SGMS1: variants seen among roughly 807,000 people sequenced by gnomAD.
SGMS1 encodes phosphatidylcholine:ceramide cholinephosphotransferase 1.
A neutral mutation model predicts 46.2 loss-of-function variants in SGMS1; 13 were observed. The ratio of observed to expected loss-of-function variants is 0.28; its 90% confidence interval spans 0.18 to 0.45. The LOEUF (loss-of-function observed/expected upper bound fraction) is 0.45. Ranked by LOEUF, SGMS1 falls within the 20% of genes least tolerant of loss-of-function variation. SGMS1 has a pLI of 1.00. For missense variants in SGMS1, 324 were observed against 519.9 expected (o/e 0.62, Z 3.66); for synonymous variants, 203 against 187.8 (o/e 1.08, Z -0.66).
At chr10:50,358,663 T>G (rs1848196565) in intron 6 of SGMS1, among the ~76,000 whole-genome samples, 1 of 152,178 alleles carries the variant, frequency 6.6e-6, no homozygotes, top group African/African-American at 2.4e-5. Context: ...CACTCCAGCC[T>G]CCAGCCTGAG....
At chr10:50,313,110 T>C (rs1488788366) in intron 8 of SGMS1, among the ~76,000 whole-genome samples, 1 of 152,198 alleles carries the variant, frequency 6.6e-6, no homozygotes, top group Non-Finnish European at 1.5e-5. Context: ...TGGCCATGAA[T>C]AGCATTTACA....
chr10:50,424,830 T>C (rs12413917), intron 6 of SGMS1, among the ~76,000 whole-genome samples: 1,651 of 150,620 alleles, frequency 0.011, 73 homozygotes, highest in Admixed American at 0.088. Context: ...GAGAATCACT[T>C]GAACCCAGGA....
At chr10:50,564,536 G>A (rs919269824) in intron 2 of SGMS1, among the ~76,000 whole-genome samples, 2 of 152,120 alleles carry the variant, frequency 1.3e-5, no homozygotes, top group Non-Finnish European at 2.9e-5. Context: ...GTTCCCACAG[G>A]TGGGCATACA....
chr10:50,595,951 A>G (rs1429249471), intron 1 of SGMS1, among the ~76,000 whole-genome samples: 1 of 152,134 alleles, frequency 6.6e-6, no homozygotes, highest in Non-Finnish European at 1.5e-5. Context: ...GATATCTTTT[A>G]TTTCAAAGGG....
chr10:50,381,987 A>G (rs1402536217), intron 6 of SGMS1, among the ~76,000 whole-genome samples: 1 of 152,208 alleles, frequency 6.6e-6, no homozygotes, highest in Admixed American at 6.5e-5. Flanking sequence ...TGTAAAATGC[A>G]GGGTGGAAGG....
Position 50,318,773 on chromosome 10 carries a change from C to T in SGMS1, c.742-7358G>A, listed in dbSNP as rs575798366. Among the ~76,000 whole-genome samples the T allele has an allele frequency of 5.9e-5, 9 of 152,286 alleles. No homozygotes were observed. In the East Asian group the frequency reaches 1.7e-3, roughly 29 times the overall value. On this transcript the variant is annotated intron_variant, in intron 8 of 10. Coordinates refer to ENST00000361781, the MANE Select transcript of SGMS1 (RefSeq NM_147156.4). The stretch of plus-strand genomic sequence containing the variant: ...AACTTTTAAAATAGACTTTTCCCTT[C>T]ACTCGGCTGTGAAGAATCTGGCTGT...
chr10:50,580,262 T>C (rs943350533), intron 2 of SGMS1, among the ~76,000 whole-genome samples: 2 of 152,140 alleles, frequency 1.3e-5, no homozygotes, highest in African/African-American at 4.8e-5. Context: ...TATGGAATCC[T>C]TTAAAAAATC....
At chr10:50,597,007 A>C (rs1429007811) in intron 1 of SGMS1, among the ~76,000 whole-genome samples, 4 of 152,200 alleles carry the variant, frequency 2.6e-5, no homozygotes, top group Non-Finnish European at 5.9e-5. Flanking sequence ...AAAAAGCACT[A>C]CTAATTCCAC....
intron 6 of SGMS1, among the ~76,000 whole-genome samples, chr10:50,368,849 G>A (rs974554195): frequency 1.3e-5 from 2 of 152,086 alleles, no homozygotes; most frequent in Non-Finnish European, 2.9e-5. Flanking sequence ...GAACAAACAC[G>A]GCCAAGGCTA....
chr10:50,506,044 T>C (rs149540144), intron 3 of SGMS1, among the ~76,000 whole-genome samples: 170 of 152,292 alleles, frequency 1.1e-3, no homozygotes, highest in Middle Eastern at 3.4e-3. Context: ...TCCTTCTTCC[T>C]GGAGAATTGC....
At chr10:50,322,339 T>C (rs1403969970) in intron 8 of SGMS1, among the ~76,000 whole-genome samples, 1 of 152,228 alleles carries the variant, frequency 6.6e-6, no homozygotes, top group Non-Finnish European at 1.5e-5. Context: ...CATCTGATTA[T>C]GAAAATGAGA....
At chr10:50,592,540 T>C (rs1838551776) in intron 1 of SGMS1, among the ~76,000 whole-genome samples, 1 of 152,130 alleles carries the variant, frequency 6.6e-6, no homozygotes, top group Non-Finnish European at 1.5e-5. Context: ...ATCAAGAGTC[T>C]CAGATTGTTG....
intron 1 of SGMS1, among the ~76,000 whole-genome samples, chr10:50,594,746 T>C (rs570717626): frequency 1.4e-4 from 22 of 152,288 alleles, no homozygotes; most frequent in African/African-American, 5.3e-4. Context: ...TGAGAAATTA[T>C]CTCAATTTGA....
At chr10:50,545,538 C>T (rs539893199) in intron 2 of SGMS1, among the ~76,000 whole-genome samples, 3 of 152,144 alleles carry the variant, frequency 2.0e-5, no homozygotes, top group East Asian at 1.9e-4. Context: ...TGGGTTCAAG[C>T]GATTCTCCTG....
chr10:50,330,484 T>G (rs1847604897), intron 7 of SGMS1, among the ~76,000 whole-genome samples: 1 of 151,834 alleles, frequency 6.6e-6, no homozygotes, highest in Non-Finnish European at 1.5e-5. Context: ...GACCTGTCCC[T>G]AAATAAATAA....
In SGMS1 at chr10:50,623,712, C is replaced by T; in HGVS notation, c.-689G>A. On this transcript the variant is annotated 5_prime_UTR_variant, in exon 1 of 11. In the 5' UTR this introduces an upstream ATG that the reference lacks. Coordinates refer to ENST00000361781, the MANE Select transcript of SGMS1 (RefSeq NM_147156.4). ...GTCCCTGCCCCACGACTCACTTGCA[C>T]TGGAGTCACGGCAGCCGCCGGAATT... 1 of 985,482 alleles carries T rather than the reference C, an allele frequency of 1.0e-6. No individual in the cohort carries two copies. The highest frequency in any genetic ancestry group is 4.7e-5 in the South Asian group (1 of 21,292). The allele number at this position is 985,482 out of a possible 1,614,324, so 61.0% of individuals were successfully genotyped here.
chr10:50,458,216 T>G (rs1284236231), intron 5 of SGMS1, among the ~76,000 whole-genome samples: 1 of 152,226 alleles, frequency 6.6e-6, no homozygotes, highest in Non-Finnish European at 1.5e-5. Context: ...AGAAAATTCT[T>G]AGACATGTTT....
intron 2 of SGMS1, among the ~76,000 whole-genome samples, chr10:50,543,254 T>C (rs1838071955): frequency 1.3e-5 from 2 of 152,184 alleles, no homozygotes; most frequent in African/African-American, 4.8e-5. Flanking sequence ...ATGTGGCTGC[T>C]TTTCTAATCA....
chr10:50,379,630 G>A (rs1205491380), intron 6 of SGMS1, among the ~76,000 whole-genome samples: 2 of 152,078 alleles, frequency 1.3e-5, no homozygotes, highest in Non-Finnish European at 2.9e-5. Flanking sequence ...TACAGAGAGA[G>A]TAGGAGGAAA....
Sources: allele counts gnomAD v4.1 joint callset (sites outside exome capture counted in the v4.1 genomes callset), GRCh38; gene constraint gnomAD v4.1.1; transcripts MANE v1.5; gene names NCBI Gene and HGNC (gene_info 2026-07-23, HGNC 2026-07-21).